Variants in PCDH15 observed in about 807,000 individuals in gnomAD.
PCDH15 encodes protocadherin related 15, also known as protocadherin-15.
PCDH15 carries 129 observed loss-of-function variants against 178.5 expected under a neutral mutation model. The ratio of observed to expected loss-of-function variants is 0.72; its 90% CI spans 0.63 to 0.84. The LOEUF is 0.84. Among genes scored for constraint, PCDH15 ranks in the 40% least tolerant of loss-of-function variants. The pLI is 0.00. For synonymous variants in PCDH15, 800 were observed against 732.0 expected, an observed-to-expected ratio of 1.09 and a Z score of -1.50; for missense variants, 2,230 against 2,099.9, an observed-to-expected ratio of 1.06 and a Z score of -1.21.
At chr10:53,946,607 G>GT (rs1365366089) in intron 23 of PCDH15, among the ~76,000 whole-genome samples, 2 of 152,070 alleles carry the variant, frequency 1.3e-5, no homozygotes, top group Non-Finnish European at 2.9e-5. Flanking sequence ...TGTATTGGAT[G>GT]TATCACAAAT....
At chr10:54,868,169 C>G (rs1953971528) in intron 3 of PCDH15, among the ~76,000 whole-genome samples, 1 of 152,012 alleles carries the variant, frequency 6.6e-6, no homozygotes, top group Non-Finnish European at 1.5e-5. Context: ...TTGAAACAAA[C>G]AAAAAATAGT....
At chr10:55,039,045 C>G (rs1840804358) in intron 2 of PCDH15, among the ~76,000 whole-genome samples, 1 of 152,068 alleles carries the variant, frequency 6.6e-6, no homozygotes, top group African/African-American at 2.4e-5. Flanking sequence ...AAAATTTTCT[C>G]ATTAATTATC....
At chr10:55,424,635 A>C (rs569911489) in intron 2 of PCDH15, among the ~76,000 whole-genome samples, 48 of 152,222 alleles carry the variant, frequency 3.2e-4, no homozygotes, top group Admixed American at 1.4e-3. Flanking sequence ...GCCCAATTCT[A>C]TGAATGCCTG....
At chr10:54,092,175 T>C (rs933412414) in intron 15 of PCDH15, among the ~76,000 whole-genome samples, 17 of 152,180 alleles carry the variant, frequency 1.1e-4, no homozygotes, top group African/African-American at 3.6e-4. Context: ...AGCTACACTT[T>C]GAGGGCTCAC....
chr10:53,995,633 A>G lies in PCDH15; in HGVS notation c.2868+16T>C. 6.2e-7 allele frequency: 1 copy of G among 1,613,810 alleles called. No homozygotes were observed. The stretch of plus-strand genomic sequence containing the variant: ...CTCAGTACAGTTCAGAATATTAATC[A>G]ATGCCTTCTACTTACAGGAGGGTCT... On this transcript the variant is annotated intron_variant, in intron 21 of 37. Transcript: ENST00000644397.
chr10:53,861,676 A>G (rs2079115655), intron 27 of PCDH15, among the ~76,000 whole-genome samples: 1 of 152,206 alleles, frequency 6.6e-6, no homozygotes, highest in Non-Finnish European at 1.5e-5. Context: ...TTAGTAAAAT[A>G]TCATTTTAAC....
intron 1 of PCDH15, among the ~76,000 whole-genome samples, chr10:54,684,094 T>C (rs185943152): frequency 2.1e-4 from 32 of 152,166 alleles, no homozygotes; most frequent in Admixed American, 1.2e-3. Flanking sequence ...AATAGCGATA[T>C]TTTTCACATA....
intron 2 of PCDH15, among the ~76,000 whole-genome samples, chr10:54,901,080 G>A (rs1489943544): frequency 2.0e-5 from 3 of 149,706 alleles, no homozygotes; most frequent in African/African-American, 7.4e-5. Context: ...TTGGAAGGCC[G>A]AGGCAGGTGT....
rs1195191649 is a variant in PCDH15 at position 54,157,980 on chromosome 10, G to A, written c.1591-4687C>T. On this transcript the variant is annotated intron_variant, in intron 13 of 37. Transcript: ENST00000644397. ...CTCCCTCTGAGACCACCTCAGGCTG[G>A]ACTTTATTGTCCACATCACTATCAG... Among the ~76,000 whole-genome samples the A allele has an allele frequency of 2.6e-5, 4 of 152,244 alleles. No homozygotes were observed. In the East Asian group the frequency reaches 7.7e-4, roughly 29 times the overall value.
At chr10:54,835,643 A>T (rs1455775835) in intron 3 of PCDH15, among the ~76,000 whole-genome samples, 2 of 152,166 alleles carry the variant, frequency 1.3e-5, no homozygotes, top group Non-Finnish European at 2.9e-5. Context: ...ACTGCCATGC[A>T]CACACACCCT....
At chr10:54,666,621 T>C (rs528336329) in intron 1 of PCDH15, among the ~76,000 whole-genome samples, 4 of 152,010 alleles carry the variant, frequency 2.6e-5, no homozygotes, top group South Asian at 4.1e-4. Flanking sequence ...AATAAAACAA[T>C]GTTATTTAAA....
chr10:54,594,769 C>T (rs1332608851), intron 2 of PCDH15, among the ~76,000 whole-genome samples: 1 of 152,146 alleles, frequency 6.6e-6, no homozygotes, highest in Non-Finnish European at 1.5e-5. Flanking sequence ...TGAGTGTGCC[C>T]CATCCCTTCT....
At chr10:55,426,745 C>G (rs553516639) in intron 2 of PCDH15, among the ~76,000 whole-genome samples, 1 of 152,078 alleles carries the variant, frequency 6.6e-6, no homozygotes, top group Non-Finnish European at 1.5e-5. Flanking sequence ...ATGGTAAATG[C>G]GGATGATTTT....
intron 2 of PCDH15, among the ~76,000 whole-genome samples, chr10:54,629,516 T>C (rs146289821): frequency 6.6e-6 from 1 of 152,208 alleles, no homozygotes; most frequent in East Asian, 1.9e-4. Flanking sequence ...TTCAACAGAC[T>C]CAGATAAATC....
intron 25 of PCDH15, among the ~76,000 whole-genome samples, chr10:53,904,507 G>A (rs2082539950): frequency 1.4e-5 from 2 of 147,932 alleles, no homozygotes; most frequent in East Asian, 2.0e-4. Context: ...AGGTCAGACA[G>A]AACAGTGAGT....
At chr10:54,737,385 T>C (rs897658657) in intron 1 of PCDH15, among the ~76,000 whole-genome samples, 10 of 152,110 alleles carry the variant, frequency 6.6e-5, no homozygotes, top group African/African-American at 2.4e-4. Context: ...ATTATTAAAA[T>C]ACTTGCTAAA....
intron 2 of PCDH15, among the ~76,000 whole-genome samples, chr10:55,047,442 A>G (rs943705195): frequency 6.6e-6 from 1 of 151,838 alleles, no homozygotes; most frequent in Non-Finnish European, 1.5e-5. Flanking sequence ...ATCAGATTGC[A>G]TCTTAAACTT....
chr10:55,056,305 C>A (rs1293760594), intron 2 of PCDH15, among the ~76,000 whole-genome samples: 2 of 152,118 alleles, frequency 1.3e-5, no homozygotes, highest in Non-Finnish European at 2.9e-5. Context: ...GATTTCATCT[C>A]AAAATACTCT....
chr10:54,004,136 T>A (rs2092292664), intron 20 of PCDH15, among the ~76,000 whole-genome samples: 2 of 151,456 alleles, frequency 1.3e-5, no homozygotes, highest in African/African-American at 4.9e-5. Context: ...GGAACATACC[T>A]CAACATAATA....
Sources: allele counts gnomAD v4.1 joint callset (sites outside exome capture counted in the v4.1 genomes callset), GRCh38; gene constraint gnomAD v4.1.1; transcripts MANE v1.5; gene names NCBI Gene and HGNC (gene_info 2026-07-23, HGNC 2026-07-21).